POLR1E: variants seen among roughly 807,000 people sequenced by gnomAD.
POLR1E encodes the protein RNA polymerase I subunit E.
POLR1E carries 37 observed loss-of-function variants against 50.9 expected under a neutral mutation model. That is an observed-to-expected ratio of 0.73 (90% CI 0.56 to 0.96). POLR1E has a LOEUF of 0.96. POLR1E is among the 40% of genes least tolerant of loss of function. The pLI is 0.00. For synonymous variants in POLR1E, 166 were observed against 191.6 expected (o/e 0.87, Z 1.10); for missense variants, 426 against 518.1 (o/e 0.82, Z 1.73).
chr9:37,500,984 G>A (rs2119021304), intron 10 of POLR1E, 63 bp downstream of exon 10: 2 of 1,436,758 alleles, frequency 1.4e-6, no homozygotes, highest in South Asian at 2.3e-5. Flanking sequence ...TTGGGAGTGA[G>A]GAGCAGGGGC....
intron 4 of POLR1E, among the ~76,000 whole-genome samples, chr9:37,491,104 CA>C (rs1267420253): frequency 6.6e-6 from 1 of 152,158 alleles, no homozygotes; most frequent in Non-Finnish European, 1.5e-5. Flanking sequence ...GAAGAATTTA[CA>C]TTGTTTCTCT....
chr9:37,502,342 G>GCCAGGGGAACCGCTGGTT, intron 11 of POLR1E, among the ~76,000 whole-genome samples: 1 of 152,222 alleles, frequency 6.6e-6, no homozygotes, highest in Non-Finnish European at 1.5e-5. Context: ...GGAAGGGTTT[G>GCCAGGGGAACCGCTGGTT]CCAGGGGAAC....
At chr9:37,487,548 G>A (rs2118995231) in intron 2 of POLR1E, among the ~76,000 whole-genome samples, 1 of 152,296 alleles carries the variant, frequency 6.6e-6, no homozygotes, top group South Asian at 2.1e-4. Flanking sequence ...GAATCACTTT[G>A]TTGCATACCT....
rs1554754134 is a variant in POLR1E, at chr9:37,487,847, C to T, written c.181-16C>T. The T allele has an allele frequency of 8.7e-6, 14 of 1,612,872 alleles. No individual in the cohort carries two copies. The Admixed American group carries it at 1.8e-4, about 21-fold the overall frequency. On this transcript the variant is annotated splice_polypyrimidine_tract_variant and intron_variant, in intron 2 of 11. Coordinates refer to ENST00000377798, the MANE Select transcript of POLR1E (RefSeq NM_022490.4). ...AACATTGGTTGTAAATGGAGTTTCC[C>T]CTCTCTGCATTTTAGGCAGCTGAAA... is the stretch of plus-strand genomic sequence containing the variant.
chr9:37,498,887 A>G (rs1337434716), intron 9 of POLR1E, among the ~76,000 whole-genome samples: 1 of 152,126 alleles, frequency 6.6e-6, no homozygotes, highest in African/African-American at 2.4e-5. Context: ...AATGATGGGG[A>G]TATGTTCTGA....
intron 11 of POLR1E, among the ~76,000 whole-genome samples, chr9:37,502,505 A>G (rs1318887536): frequency 6.6e-6 from 1 of 152,048 alleles, no homozygotes; most frequent in Non-Finnish European, 1.5e-5. Context: ...AGAGCTGCCC[A>G]GGAACCTGAA....
rs752555496 is a variant in POLR1E at position 37,487,907 on chromosome 9, G to T, written c.225G>T (p.Gly75=). The change falls in exon 3 of 12, where the codon GGG becomes GGT. Residue 75 remains glycine (G), a synonymous_variant. Coordinates refer to ENST00000377798, the MANE Select transcript of POLR1E (RefSeq NM_022490.4). The part of the protein sequence containing the change: ...DRLSYVGNNF[G]TGALKCNTLC... The stretch of plus-strand genomic sequence containing the variant: ...TCTCCTATGTGGGAAACAATTTTGG[G>T]ACTGGAGCCCTCAAATGCAACACTT... The T allele has an allele frequency of 3.1e-6, 5 of 1,614,062 alleles. No individual in the cohort carries two copies. Among genetic ancestry groups the T allele is most frequent in the Middle Eastern group, 1.6e-4 (1 of 6,084 alleles).
chr9:37,495,644 G>A (rs934028513), intron 7 of POLR1E, among the ~76,000 whole-genome samples: 4 of 152,194 alleles, frequency 2.6e-5, no homozygotes, highest in South Asian at 2.1e-4. Context: ...CAAGGGGTCC[G>A]GTCAGAAGGA....
In POLR1E at chr9:37,500,334, G is replaced by A. The variant is rs867807321; in HGVS notation, c.887-506G>A. ...CAAGTAGCTGGGATTAGAGGTTTGC[G>A]CCACCATACCTGGCTAATTTTTGTG... On this transcript the variant is annotated intron_variant, in intron 9 of 11. Coordinates refer to ENST00000377798, the MANE Select transcript of POLR1E (RefSeq NM_022490.4). 3.2e-4 allele frequency among the ~76,000 whole-genome samples: 49 copies of A among 151,858 alleles called. 1 individual carries two copies. Among genetic ancestry groups the A allele is most frequent in the African/African-American group, 6.5e-4 (27 of 41,370 alleles).
Position 37,495,986 on chromosome 9 carries a change from G to C in POLR1E, c.752G>C (p.Ser251Thr). 6.2e-7 allele frequency: 1 copy of C among 1,612,036 alleles called. No homozygotes were observed. The highest frequency in any genetic ancestry group is 8.5e-7 in the Non-Finnish European group (1 of 1,178,122). ...ATACTGAAGATGATTGAGGAGAACA[G>C]GTACCCTGACTTAAGCAGATGGGGA... ...EEILKMIEEN[S>T]HCTFVIEALK... is the part of the protein sequence containing the mutation. The change falls in exon 8 of 12, where the codon AGC becomes ACC. Residue 251 changes from serine (S) to threonine (T), a missense_variant and splice_region_variant. Ser to Thr is a moderately conservative substitution (Grantham distance 58). Coordinates refer to ENST00000377798, the MANE Select transcript of POLR1E (RefSeq NM_022490.4).
Position 37,501,771 on chromosome 9 carries a change from C to G in POLR1E, c.1027C>G (p.Leu343Val), listed in dbSNP as rs1179038185. Residue 343 changes from leucine to valine, a missense_variant, in exon 11 of 12, where the codon CTT becomes GTT. Leu to Val is a conservative substitution (Grantham distance 32, BLOSUM62 1). Coordinates refer to ENST00000377798, the MANE Select transcript of POLR1E (RefSeq NM_022490.4). Reference sequence around the variant, plus strand: ...GAAGATTACTGCATATGTGATCATACTTGCCTTGCACATACATGACTTCCA... The same window carrying G: ...GAAGATTACTGCATATGTGATCATAGTTGCCTTGCACATACATGACTTCCA... ...KAKITAYVII[L>V]ALHIHDFQID... 6.2e-7 allele frequency: 1 copy of G among 1,614,004 alleles called. No individual in the cohort carries two copies. The highest frequency in any genetic ancestry group is 1.3e-5 in the African/African-American group (1 of 75,034).
chr9:37,492,176 C>G (rs1453268468), intron 4 of POLR1E: 4 of 1,034,168 alleles, frequency 3.9e-6, no homozygotes, highest in Non-Finnish European at 5.1e-6. Context: ...CACTCCAGAG[C>G]TTGTACTGTT....
intron 8 of POLR1E, among the ~76,000 whole-genome samples, chr9:37,497,762 C>T (rs1468445080): frequency 6.6e-6 from 1 of 151,960 alleles, no homozygotes; most frequent in African/African-American, 2.4e-5. Context: ...TGCTTTTGTT[C>T]GTTTGTTTTT....
In POLR1E at chr9:37,495,277, G is replaced by A. The variant is rs200297662; in HGVS notation, c.655+1G>A. On this transcript the variant is annotated splice_donor_variant, in intron 7 of 11. Coordinates refer to ENST00000377798, the MANE Select transcript of POLR1E (RefSeq NM_022490.4). LOFTEE classifies it high-confidence loss of function. Reference sequence around the variant, plus strand: ...GAAGACGTGTATAAATTTGAAGATCGTATCCTTCTTGCAGTAGAAAAGCTG... The same window carrying A: ...GAAGACGTGTATAAATTTGAAGATCATATCCTTCTTGCAGTAGAAAAGCTG... The A allele has an allele frequency of 3.7e-5, 60 of 1,609,384 alleles. No individual in the cohort carries two copies. The highest frequency in any genetic ancestry group is 3.3e-5 in the Admixed American group (2 of 59,996).
Position 37,498,131 on chromosome 9 carries a change from T to C in POLR1E, c.793T>C (p.Ser265Pro). 6.2e-7 allele frequency: 1 copy of C among 1,614,102 alleles called. No homozygotes were observed. Among genetic ancestry groups the C allele is most frequent in the Admixed American group, 1.7e-5 (1 of 60,006 alleles). Residue 265 changes from serine (S) to proline (P), a missense_variant, in exon 9 of 12, where the codon TCA becomes CCA. Physicochemically the swap from Ser to Pro is moderately conservative, Grantham distance 74 (BLOSUM62 -1). Transcript: ENST00000377798. ...CATAGAAGCGTTGAAGTCTTTGCCA[T>C]CAGATGTGGAGAGCCGAGACCGCCA... ...FVIEALKSLP[S>P]DVESRDRQAR...
rs1564327021 is a variant in POLR1E, at chr9:37,503,111, G to A, written c.1169G>A (p.Ser390Asn). The change falls in exon 12 of 12, where the codon AGT (serine) becomes AAT (asparagine). Residue 390 changes from serine to asparagine, a missense_variant. Coordinates refer to ENST00000377798, the MANE Select transcript of POLR1E (RefSeq NM_022490.4). ...AGAAGGGTGTCTGTGGCCGCCGGCA[G>A]TGAAGAAGATCACAAGCTGGGCACC... ...SKRRVSVAAG[S>N]EEDHKLGTLS... 1 of 1,614,126 alleles carries A rather than the reference G, an allele frequency of 6.2e-7. No homozygotes were observed. The highest frequency in any genetic ancestry group is 8.5e-7 in the Non-Finnish European group (1 of 1,180,024).
intron 4 of POLR1E, chr9:37,490,582 G>T: frequency 1.4e-6 from 1 of 709,746 alleles, no homozygotes; most frequent in East Asian, 2.7e-5. Context: ...TTCTTCACCC[G>T]TTTCATGAAG....
intron 6 of POLR1E, 69 bp downstream of exon 6, chr9:37,493,772 A>G (rs1216641314): frequency 1.5e-6 from 2 of 1,371,708 alleles, no homozygotes; most frequent in East Asian, 2.6e-5. Context: ...GAGATCTTTT[A>G]CCCACCCACA....
At chr9:37,497,887 C>T (rs1211282018) in intron 8 of POLR1E, among the ~76,000 whole-genome samples, 3 of 152,150 alleles carry the variant, frequency 2.0e-5, no homozygotes, top group African/African-American at 7.2e-5. Flanking sequence ...CTCAGCCTTC[C>T]GAGTAGCTGG....
Sources: allele counts gnomAD v4.1 joint callset (sites outside exome capture counted in the v4.1 genomes callset), GRCh38; gene constraint gnomAD v4.1.1; transcripts MANE v1.5; gene names NCBI Gene and HGNC (gene_info 2026-07-23, HGNC 2026-07-21).